Variants in LYPD4 observed in about 807,000 individuals in gnomAD.
LYPD4 encodes the protein LY6/PLAUR domain containing 4, also known as ly6/PLAUR domain-containing protein 4.
A neutral mutation model predicts 18.2 loss-of-function variants in LYPD4; 20 were observed. The observed-to-expected ratio is 1.10, with a 90% confidence interval of 0.77 to 1.59. The LOEUF (loss-of-function observed/expected upper bound fraction) is 1.59. Among genes scored for constraint, LYPD4 ranks in the 40% most tolerant of loss-of-function variants. The probability of loss-of-function intolerance (pLI) is 0.00; values close to 1 mark genes in which losing one functional copy is unlikely to be tolerated. For missense variants in LYPD4, 278 were observed against 300.3 expected, an observed-to-expected ratio of 0.93 and a Z score of 0.55; for synonymous variants, 111 against 118.3, an observed-to-expected ratio of 0.94 and a Z score of 0.40.
At chr19:41,837,482 C>T in intron 4 of LYPD4, 137 bp from the exon 5 acceptor site, 1 of 909,898 alleles carries the variant, frequency 1.1e-6, no homozygotes, top group Non-Finnish European at 1.7e-6. Flanking sequence ...GGACTTAAGG[C>T]CAGGAGTTTG....
In LYPD4 at chr19:41,838,842, G is replaced by A. The variant is rs782800342; in HGVS notation, c.211+39C>T. ...GGGAGTGGAGCTGGGGGTCAGAAGAGCAAGCAAAACGAAATTGATCAAACT... is the reference window on the plus strand; with the variant it reads ...GGGAGTGGAGCTGGGGGTCAGAAGAACAAGCAAAACGAAATTGATCAAACT... On this transcript the variant is annotated intron_variant, in intron 3 of 4. Coordinates refer to ENST00000609812, the MANE Select transcript of LYPD4 (RefSeq NM_173506.7). 16 of 1,608,726 alleles carry A rather than the reference G, an allele frequency of 9.9e-6. No homozygotes were observed. In the Admixed American group the frequency reaches 2.3e-4, roughly 24 times the overall value.
At chr19:41,842,774 A>C (rs2073644824) in intron 1 of LYPD4, among the ~76,000 whole-genome samples, 12 of 59,594 alleles carry the variant, frequency 2.0e-4, no homozygotes, top group East Asian at 5.3e-4. Context: ...CAAAAAAAAA[A>C]AAAAAAAAAA....
chr19:41,843,325 T>C (rs902822002), intron 1 of LYPD4, among the ~76,000 whole-genome samples: 2 of 152,028 alleles, frequency 1.3e-5, no homozygotes, highest in Non-Finnish European at 2.9e-5. Flanking sequence ...ACTACCTTCT[T>C]TATAAAATGA....
At position 41,839,384 on chromosome 19, in the gene LYPD4, A is replaced by C. The variant is rs2073499270; in HGVS notation, c.-99T>G. On this transcript the variant is annotated 5_prime_UTR_variant, in exon 2 of 5. Coordinates refer to ENST00000609812, the MANE Select transcript of LYPD4 (RefSeq NM_173506.7). ...CCATCAGTCCCCGAATTCTTTGTCCACCTGTCTCTGGGTCACTGTTTCTGG... is the reference window on the plus strand; with the variant it reads ...CCATCAGTCCCCGAATTCTTTGTCCCCCTGTCTCTGGGTCACTGTTTCTGG... The C allele has an allele frequency of 8.7e-7, 1 of 1,145,146 alleles. No homozygotes were observed. 70.9% of individuals were successfully genotyped at this position (1,145,146 alleles called of 1,614,324 possible).
chr19:41,843,052 AAAAAAAAAAAAAAAAAAAAAAAAAACC>A (rs2073678330), intron 1 of LYPD4, among the ~76,000 whole-genome samples: 5 of 49,216 alleles, frequency 1.0e-4, no homozygotes, highest in Non-Finnish European at 2.1e-4. Context: ...AAAAAAAAAA[AAAAAAAAAAAAAAAAAAAAAAAAAACC>A]CCAACAACAA....
rs2123066411 is a variant in LYPD4, at chr19:41,837,149, C to A, written c.735G>T (p.Arg245Ser). 3.1e-6 allele frequency: 5 copies of A among 1,613,744 alleles called. No homozygotes were observed. Among genetic ancestry groups the A allele is most frequent in the Non-Finnish European group, 3.4e-6 (4 of 1,179,852 alleles). Residue 245 changes from arginine (R) to serine (S), a missense_variant, in exon 5 of 5, where the codon AGG (arginine) becomes AGT (serine). Transcript: ENST00000609812. ...GVVLGLLFAF[R>S]D The stretch of plus-strand genomic sequence containing the variant: ...GTCGGGTGCAGCTAGATGGTCAGTC[C>A]CTGAAGGCAAACAGGAGGCCTAAGA...
At chr19:41,844,696 G>A (rs1245821253), upstream of LYPD4, 1 of 152,302 alleles carries the variant, frequency 6.6e-6, no homozygotes, top group Non-Finnish European at 1.5e-5. Flanking sequence ...CGCCCCAGGG[G>A]CGGGGCCAGG....
intron 1 of LYPD4, among the ~76,000 whole-genome samples, chr19:41,840,570 C>T (rs781884866): frequency 1.3e-5 from 2 of 152,104 alleles, no homozygotes; most frequent in African/African-American, 4.8e-5. Context: ...CAGTATCTCC[C>T]GCCTGTAATC....
At chr19:41,839,536 A>G (rs1407828412) in intron 1 of LYPD4, 131 bp from the exon 2 acceptor site, 3 of 518,282 alleles carry the variant, frequency 5.8e-6, no homozygotes, top group African/African-American at 3.8e-5. Context: ...TAGCTTCTCA[A>G]AGCAGGACTC....
intron 2 of LYPD4, 74 bp from the exon 3 acceptor site, chr19:41,839,098 T>C (rs1407105774): frequency 1.2e-6 from 2 of 1,609,730 alleles, no homozygotes; most frequent in Non-Finnish European, 1.7e-6. Context: ...CAACCAAGAG[T>C]TCAGCCCCCA....
chr19:41,843,429 C>A (rs1450626652), intron 1 of LYPD4, 149 bp downstream of exon 1: 2 of 151,962 alleles, frequency 1.3e-5, no homozygotes, highest in Admixed American at 1.3e-4. Flanking sequence ...TCGTTGGTTA[C>A]CCTGTTCCTC....
downstream of LYPD4, chr19:41,835,721 A>C: frequency 2.1e-6 from 2 of 939,932 alleles, no homozygotes; most frequent in South Asian, 4.9e-5. Flanking sequence ...TGGAGGTCAC[A>C]GAGGTCCATG....
chr19:41,843,352 T>C (rs1555834199), intron 1 of LYPD4, among the ~76,000 whole-genome samples: 1 of 152,080 alleles, frequency 6.6e-6, no homozygotes, highest in East Asian at 1.9e-4. Context: ...ATACATCTCA[T>C]AGGGTCATTG....
At chr19:41,840,238 G>C (rs1555832954) in intron 1 of LYPD4, among the ~76,000 whole-genome samples, 1 of 151,970 alleles carries the variant, frequency 6.6e-6, no homozygotes. Flanking sequence ...ACCAGCCCAG[G>C]CATCACGACA....
At chr19:41,836,995 G>A, downstream of LYPD4, 1 of 1,436,090 alleles carries the variant, frequency 7.0e-7, no homozygotes, top group Non-Finnish European at 9.2e-7. Flanking sequence ...CTCTTCCTGG[G>A]TCCCCACCTC....
At chr19:41,839,123 A>G (rs1555832464) in intron 2 of LYPD4, 96 bp downstream of exon 2, 2 of 1,612,212 alleles carry the variant, frequency 1.2e-6, no homozygotes, top group Non-Finnish European at 1.7e-6. Flanking sequence ...TCCTGTCCCC[A>G]GCGAAACCTA....
chr19:41,841,125 C>A (rs2073573710), intron 1 of LYPD4, among the ~76,000 whole-genome samples: 1 of 152,118 alleles, frequency 6.6e-6, no homozygotes, highest in African/African-American at 2.4e-5. Flanking sequence ...AGTTCGCTGG[C>A]AAATCTGATC....
At position 41,838,386 on chromosome 19, in the gene LYPD4, T is replaced by C. The variant is rs188112737; in HGVS notation, c.212-125A>G. Reference sequence around the variant, plus strand: ...AATCTGTGCCTCCCTCCCCAACCCCTGTGTCCACTCAGTGCAGCTGCACAG... The same window carrying C: ...AATCTGTGCCTCCCTCCCCAACCCCCGTGTCCACTCAGTGCAGCTGCACAG... On this transcript the variant is annotated intron_variant, in intron 3 of 4. Coordinates refer to ENST00000609812, the MANE Select transcript of LYPD4 (RefSeq NM_173506.7). 4.3e-3 allele frequency: 3,348 copies of C among 776,292 alleles called. 20 individuals are homozygous for C. Among genetic ancestry groups the C allele is most frequent in the Non-Finnish European group, 3.7e-3 (1,942 of 521,956 alleles). 48.1% of individuals were successfully genotyped at this position (776,292 alleles called of 1,614,324 possible). A position where few individuals can be genotyped will look rare whatever the true frequency, so the allele number is the denominator to read the frequency against.
At chr19:41,838,374 C>T (rs2073448946) in intron 3 of LYPD4, 113 bp from the exon 4 acceptor site, 4 of 891,310 alleles carry the variant, frequency 4.5e-6, no homozygotes, top group Non-Finnish European at 6.4e-6. Flanking sequence ...CTGTGCCTCC[C>T]TCCCCAACCC....
Sources: gnomAD v4.1 joint callset for allele counts (sites outside exome capture counted in the v4.1 genomes callset) on GRCh38, gnomAD v4.1.1 for gene constraint, MANE v1.5 for transcripts, NCBI Gene and HGNC (gene_info 2026-07-23, HGNC 2026-07-21) for gene names.